AKAP13: variants seen among roughly 807,000 people sequenced by gnomAD.
AKAP13 encodes A-kinase anchoring protein 13, also known as A-kinase anchor protein 13.
AKAP13 carries 80 observed loss-of-function variants against 264.5 expected under a neutral mutation model. The ratio of observed to expected loss-of-function variants is 0.30; its 90% CI spans 0.25 to 0.36. AKAP13 has a LOEUF of 0.36. AKAP13 is among the 10% of genes least tolerant of loss of function. AKAP13 has a pLI of 1.00. For missense variants in AKAP13, 3,712 were observed against 3,435.2 expected (o/e 1.08, Z -2.01); for synonymous variants, 1,380 against 1,250.2 (o/e 1.10, Z -2.19).
At chr15:85,567,849 C>T (rs929146322) in intron 5 of AKAP13, among the ~76,000 whole-genome samples, 4 of 152,078 alleles carry the variant, frequency 2.6e-5, no homozygotes, top group African/African-American at 9.7e-5. Flanking sequence ...AAATGCAACT[C>T]CAGCAGACGC....
At chr15:85,408,004 T>C (rs2071759878) in intron 1 of AKAP13, among the ~76,000 whole-genome samples, 1 of 151,636 alleles carries the variant, frequency 6.6e-6, no homozygotes, top group Non-Finnish European at 1.5e-5. Flanking sequence ...TGAAACTTGT[T>C]GAGTAGATGG....
chr15:85,669,743 C>G lies in AKAP13; in HGVS notation c.5014C>G (p.Gln1672Glu). ...ACAGATATGTCACAGATCTAAGCAGCAGGGATTTAATTACTGTACATCAGC... is the reference window on the plus strand; with the variant it reads ...ACAGATATGTCACAGATCTAAGCAGGAGGGATTTAATTACTGTACATCAGC... ...DQQICHRSKQ[Q>E]GFNYCTSAIS... Residue 1672 changes from glutamine to glutamate, a missense_variant, in exon 14 of 37, where the codon CAG (glutamine) becomes GAG (glutamate). Coordinates refer to ENST00000394518, the MANE Select transcript of AKAP13 (RefSeq NM_007200.5). 1.2e-6 allele frequency: 2 copies of G among 1,612,670 alleles called. No individual in the cohort carries two copies. Among genetic ancestry groups the G allele is most frequent in the Non-Finnish European group, 1.7e-6 (2 of 1,178,820 alleles).
intron 1 of AKAP13, among the ~76,000 whole-genome samples, chr15:85,395,686 A>G (rs1401161052): frequency 6.6e-6 from 1 of 152,102 alleles, no homozygotes; most frequent in Admixed American, 6.6e-5. Flanking sequence ...TGGTTTCCAA[A>G]CAATCCAATA....
Position 85,440,488 on chromosome 15 carries a change from T to TA in AKAP13, c.-11-45219dup, listed in dbSNP as rs1278536125. Among the ~76,000 whole-genome samples the TA allele has an allele frequency of 9.9e-5, 15 of 152,206 alleles. 1 individual carries two copies. Among genetic ancestry groups the TA allele is most frequent in the African/African-American group, 2.4e-5 (1 of 41,458 alleles). ...ATACTGAAGAGCTGATGCAAAATCT[T>TA]AAACAGGCCGATGAAAAAGAGCTTG... On this transcript the variant is annotated intron_variant, in intron 1 of 36. Coordinates refer to ENST00000394518, the MANE Select transcript of AKAP13 (RefSeq NM_007200.5).
At chr15:85,654,942 A>G (rs1473970255) in intron 10 of AKAP13, among the ~76,000 whole-genome samples, 1 of 152,168 alleles carries the variant, frequency 6.6e-6, no homozygotes, top group Admixed American at 6.5e-5. Context: ...CTGTAATCCC[A>G]CCATTTTGGG....
chr15:85,395,509 T>C lies in AKAP13; in HGVS notation c.-12+14711T>C, dbSNP rs2071067867. On this transcript the variant is annotated intron_variant, in intron 1 of 36. Transcript: ENST00000394518. Reference sequence around the variant, plus strand: ...GCCGGACATTGAGTAATACTATATATGAATTATGAATAATTGAGATTGGCT... The same window carrying C: ...GCCGGACATTGAGTAATACTATATACGAATTATGAATAATTGAGATTGGCT... 2.6e-5 allele frequency among the ~76,000 whole-genome samples: 4 copies of C among 152,212 alleles called. No homozygotes were observed. In the South Asian group the frequency reaches 8.3e-4, roughly 32 times the overall value.
intron 8 of AKAP13, among the ~76,000 whole-genome samples, chr15:85,603,279 A>T (rs866499546): frequency 1.3e-5 from 2 of 152,338 alleles, no homozygotes; most frequent in Middle Eastern, 3.4e-3. Flanking sequence ...GTCACACAGA[A>T]TTTTAAAAAG....
chr15:85,733,530 T>G (rs1183987721), intron 30 of AKAP13, among the ~76,000 whole-genome samples: 2 of 152,204 alleles, frequency 1.3e-5, no homozygotes, highest in African/African-American at 2.4e-5. Flanking sequence ...TATTTTTGAA[T>G]TATAATTTGT....
intron 18 of AKAP13, among the ~76,000 whole-genome samples, chr15:85,709,066 C>T (rs2086479964): frequency 6.6e-6 from 1 of 152,132 alleles, no homozygotes; most frequent in African/African-American, 2.4e-5. Flanking sequence ...CCTATGGACA[C>T]ATATTTTGTT....
At chr15:85,404,582 A>G (rs1226808404) in intron 1 of AKAP13, among the ~76,000 whole-genome samples, 1 of 152,188 alleles carries the variant, frequency 6.6e-6, no homozygotes, top group African/African-American at 2.4e-5. Flanking sequence ...GTCTTGAAGG[A>G]TGTTTCCTAC....
At chr15:85,451,809 A>G (rs1254780344) in intron 1 of AKAP13, among the ~76,000 whole-genome samples, 1 of 152,102 alleles carries the variant, frequency 6.6e-6, no homozygotes, top group Non-Finnish European at 1.5e-5. Flanking sequence ...TTATTCTTTA[A>G]TTTTCATCTT....
intron 2 of AKAP13, among the ~76,000 whole-genome samples, chr15:85,509,523 T>C (rs2076348420): frequency 6.6e-6 from 1 of 152,158 alleles, no homozygotes; most frequent in Admixed American, 6.6e-5. Flanking sequence ...TCTAGCTTGA[T>C]GGCAATAACA....
intron 1 of AKAP13, among the ~76,000 whole-genome samples, chr15:85,390,125 G>A (rs2070781853): frequency 1.3e-5 from 2 of 152,292 alleles, no homozygotes; most frequent in South Asian, 4.1e-4. Context: ...ATTTTTTCAA[G>A]TATCTTTTGT....
At chr15:85,461,604 G>T (rs1197338732) in intron 1 of AKAP13, among the ~76,000 whole-genome samples, 2 of 132,652 alleles carry the variant, frequency 1.5e-5, no homozygotes, top group Admixed American at 1.5e-4. Context: ...TTTAAATGGT[G>T]TGTTTTTTTT....
At chr15:85,492,374 C>G (rs1298174012) in intron 2 of AKAP13, among the ~76,000 whole-genome samples, 1 of 152,016 alleles carries the variant, frequency 6.6e-6, no homozygotes, top group African/African-American at 2.4e-5. Context: ...AGAGCGAGAC[C>G]CCATCTCAAA....
chr15:85,675,423 A>C (rs1437960287), intron 14 of AKAP13, among the ~76,000 whole-genome samples: 2 of 152,226 alleles, frequency 1.3e-5, no homozygotes, highest in African/African-American at 4.8e-5. Flanking sequence ...ATAGGTAGGT[A>C]CAGGGCTTTT....
chr15:85,596,384 T>G (rs2079827153), intron 8 of AKAP13, among the ~76,000 whole-genome samples: 1 of 152,088 alleles, frequency 6.6e-6, no homozygotes, highest in Non-Finnish European at 1.5e-5. Flanking sequence ...AGCAGGTGTA[T>G]TGCTTGAGCC....
intron 14 of AKAP13, among the ~76,000 whole-genome samples, chr15:85,674,243 AT>A (rs1353406618): frequency 3.3e-5 from 5 of 152,210 alleles, no homozygotes; most frequent in African/African-American, 1.2e-4. Flanking sequence ...ATTTCTCAAA[AT>A]CTGAAACGTT....
chr15:85,638,114 G>A (rs950804168), intron 8 of AKAP13, among the ~76,000 whole-genome samples: 1 of 151,658 alleles, frequency 6.6e-6, no homozygotes, highest in Non-Finnish European at 1.5e-5. Flanking sequence ...TCCATCTCCT[G>A]ACCTTGTGAT....
Sources: gnomAD v4.1 joint callset for allele counts (sites outside exome capture counted in the v4.1 genomes callset) on GRCh38, gnomAD v4.1.1 for gene constraint, MANE v1.5 for transcripts, NCBI Gene and HGNC (gene_info 2026-07-23, HGNC 2026-07-21) for gene names.